STXBP5L: variants seen among roughly 807,000 people sequenced by gnomAD.
STXBP5L encodes syntaxin binding protein 5L.
In STXBP5L, 65 loss-of-function variants were observed where a neutral mutation model predicts 144.5. The ratio of observed to expected loss-of-function variants is 0.45; its 90% CI spans 0.37 to 0.55. The LOEUF is 0.55. Among genes scored for constraint, STXBP5L ranks in the 20% least tolerant of loss-of-function variants. STXBP5L has a pLI of 0.00. For missense variants in STXBP5L, 1,298 were observed against 1,405.5 expected, an observed-to-expected ratio of 0.92 and a Z score of 1.22; for synonymous variants, 505 against 469.6, an observed-to-expected ratio of 1.08 and a Z score of -0.97.
intron 11 of STXBP5L, among the ~76,000 whole-genome samples, chr3:121,231,717 G>C (rs1183528765): frequency 6.6e-6 from 1 of 152,180 alleles, no homozygotes; most frequent in African/African-American, 2.4e-5. Flanking sequence ...AATGGGTTGG[G>C]TATCCTCTAG....
intron 5 of STXBP5L, among the ~76,000 whole-genome samples, chr3:121,083,865 T>A (rs1199500847): frequency 6.6e-6 from 1 of 152,202 alleles, no homozygotes; most frequent in African/African-American, 2.4e-5. Flanking sequence ...TCATTTCATC[T>A]AAGTTGTTAA....
chr3:120,976,024 T>C (rs1302467135), intron 3 of STXBP5L, among the ~76,000 whole-genome samples: 2 of 152,220 alleles, frequency 1.3e-5, no homozygotes, highest in Non-Finnish European at 2.9e-5. Flanking sequence ...GTTGTGTCTC[T>C]GTCAGGCTTT....
intron 14 of STXBP5L, among the ~76,000 whole-genome samples, chr3:121,246,149 G>GCCT (rs2049844519): frequency 6.6e-6 from 1 of 152,198 alleles, no homozygotes. Context: ...CCTGAGCTCT[G>GCCT]CCTCCTGTTA....
At chr3:121,361,614 G>T (rs2108639648) in intron 20 of STXBP5L, among the ~76,000 whole-genome samples, 1 of 151,696 alleles carries the variant, frequency 6.6e-6, no homozygotes, top group South Asian at 2.1e-4. Context: ...GCATTTTTCA[G>T]CTCCAGATTT....
rs1392385969 is a variant in STXBP5L at position 121,424,291 on chromosome 3, A to G, written c.*5194A>G. 6.6e-6 allele frequency: 1 copy of G among 152,154 alleles called. No individual in the cohort carries two copies. Among genetic ancestry groups the G allele is most frequent in the Admixed American group, 6.5e-5 (1 of 15,278 alleles). The allele number at this position is 152,154 out of a possible 1,614,324, so 9.4% of individuals were successfully genotyped here. ...TTGGATTTATTTTCTTAGTCTTTGG[A>G]CATGTGTTTAAAGGAAAAGAATACC... On this transcript the variant is annotated 3_prime_UTR_variant, in exon 27 of 27. Transcript: ENST00000471454.
intron 3 of STXBP5L, among the ~76,000 whole-genome samples, chr3:120,985,017 G>A (rs1205543272): frequency 2.0e-5 from 3 of 151,902 alleles, no homozygotes; most frequent in Middle Eastern, 3.2e-3. Flanking sequence ...ATCCCACTTG[G>A]TCATGGTGTA....
intron 20 of STXBP5L, among the ~76,000 whole-genome samples, chr3:121,334,740 C>G (rs915819498): frequency 1.3e-5 from 2 of 152,002 alleles, no homozygotes; most frequent in African/African-American, 2.4e-5. Flanking sequence ...ATAGAAACCA[C>G]ATGATCATCT....
intron 17 of STXBP5L, 44 bp downstream of exon 17, chr3:121,257,377 C>T: frequency 6.6e-7 from 1 of 1,515,628 alleles, no homozygotes; most frequent in Non-Finnish European, 9.0e-7. Context: ...AGATATTAAT[C>T]ATATGTCTTT....
intron 22 of STXBP5L, among the ~76,000 whole-genome samples, chr3:121,385,185 G>A (rs1254581501): frequency 2.6e-5 from 4 of 152,096 alleles, no homozygotes; most frequent in African/African-American, 7.2e-5. Context: ...AACTTATAAA[G>A]AGAAGAGGTT....
At chr3:121,375,535 C>CT (rs1451626489) in intron 20 of STXBP5L, among the ~76,000 whole-genome samples, 1 of 152,070 alleles carries the variant, frequency 6.6e-6, no homozygotes, top group Non-Finnish European at 1.5e-5. Context: ...GCTTTAGTTT[C>CT]TTCATCTTCA....
chr3:121,344,319 C>T (rs2044860143), intron 20 of STXBP5L, among the ~76,000 whole-genome samples: 1 of 152,058 alleles, frequency 6.6e-6, no homozygotes, highest in South Asian at 2.1e-4. Flanking sequence ...TAGGCATTAC[C>T]ATTCAGGACA....
At chr3:121,354,639 CTT>C (rs1203020781) in intron 20 of STXBP5L, among the ~76,000 whole-genome samples, 16 of 150,468 alleles carry the variant, frequency 1.1e-4, no homozygotes, top group East Asian at 4.0e-4. Flanking sequence ...GGTCTTGACT[CTT>C]TATCCAATTT....
At chr3:121,388,442 G>A (rs1444407290) in intron 22 of STXBP5L, among the ~76,000 whole-genome samples, 1 of 152,154 alleles carries the variant, frequency 6.6e-6, no homozygotes, top group Non-Finnish European at 1.5e-5. Context: ...ATATTGAATA[G>A]GAGTGGTGAG....
chr3:121,298,626 G>A (rs1197166899), intron 19 of STXBP5L, among the ~76,000 whole-genome samples: 1 of 152,080 alleles, frequency 6.6e-6, no homozygotes, highest in Non-Finnish European at 1.5e-5. Context: ...GAGCCTTCAG[G>A]ACATTACACT....
chr3:121,103,818 G>T (rs1559749768), intron 5 of STXBP5L, among the ~76,000 whole-genome samples: 1 of 152,150 alleles, frequency 6.6e-6, no homozygotes, highest in Non-Finnish European at 1.5e-5. Context: ...ATTATTTTAA[G>T]AACAGATAAA....
intron 10 of STXBP5L, among the ~76,000 whole-genome samples, chr3:121,216,195 A>G (rs2048770024): frequency 5.3e-5 from 8 of 152,168 alleles, no homozygotes; most frequent in Admixed American, 5.2e-4. Context: ...ACATCTTTCA[A>G]TTCATCAAAC....
intron 3 of STXBP5L, among the ~76,000 whole-genome samples, chr3:121,012,051 T>C (rs529494273): frequency 6.6e-6 from 1 of 152,084 alleles, no homozygotes; most frequent in East Asian, 1.9e-4. Context: ...GGAAATTTTA[T>C]ATAAATGAAA....
intron 5 of STXBP5L, among the ~76,000 whole-genome samples, chr3:121,068,696 C>G (rs1281916582): frequency 6.6e-6 from 1 of 151,954 alleles, no homozygotes; most frequent in African/African-American, 2.4e-5. Flanking sequence ...TAATACATTG[C>G]TAATATAGTT....
chr3:120,915,183 A>G (rs1709046528), intron 2 of STXBP5L, among the ~76,000 whole-genome samples: 2 of 152,280 alleles, frequency 1.3e-5, no homozygotes, highest in African/African-American at 2.4e-5. Flanking sequence ...GAGCTAAGTT[A>G]AAATCTTAAC....
Sources: gnomAD v4.1 joint callset for allele counts (sites outside exome capture counted in the v4.1 genomes callset) on GRCh38, gnomAD v4.1.1 for gene constraint, MANE v1.5 for transcripts, NCBI Gene and HGNC (gene_info 2026-07-23, HGNC 2026-07-21) for gene names.